SH3BGRL2: variants seen among roughly 807,000 people sequenced by gnomAD.
The protein encoded by SH3BGRL2 is SH3 domain-binding glutamic acid-rich-like protein 2.
In SH3BGRL2, 21 loss-of-function variants were observed where a neutral mutation model predicts 14.8. That is an observed-to-expected ratio of 1.42 (90% CI 1.01 to 2.05). The LOEUF is 2.05. Ranked by LOEUF, SH3BGRL2 falls within the 30% of genes most tolerant of loss-of-function variation. SH3BGRL2 has a pLI of 0.00. For missense variants in SH3BGRL2, 147 were observed against 130.8 expected, an observed-to-expected ratio of 1.12 and a Z score of -0.61; for synonymous variants, 50 against 47.8, an observed-to-expected ratio of 1.05 and a Z score of -0.19.
chr6:79,659,577 C>T (rs1350726161), intron 1 of SH3BGRL2, among the ~76,000 whole-genome samples: 1 of 152,172 alleles, frequency 6.6e-6, no homozygotes, highest in Non-Finnish European at 1.5e-5. Context: ...AGCGTGATGC[C>T]TCCAGTTTTG....
chr6:79,671,808 T>C (rs2746317), intron 1 of SH3BGRL2, among the ~76,000 whole-genome samples: 125,697 of 152,152 alleles, frequency 0.83, 52,044 homozygotes, highest in East Asian at 0.98. Context: ...TGGGTGCTGT[T>C]AGTTCCAGGC....
the SH3BGRL2 span, among the ~76,000 whole-genome samples, chr6:79,548,353 G>A: frequency 2.0e-5 from 3 of 152,036 alleles, no homozygotes; most frequent in Non-Finnish European, 4.4e-5. Context: ...TAAAGTATTT[G>A]TTCCCTTAAA....
At chr6:79,570,703 G>C in the SH3BGRL2 span, among the ~76,000 whole-genome samples, 2 of 152,178 alleles carry the variant, frequency 1.3e-5, no homozygotes, top group Non-Finnish European at 2.9e-5. Context: ...AATGTTCCAA[G>C]GCTAGAGATA....
At chr6:79,566,738 A>G in the SH3BGRL2 span, among the ~76,000 whole-genome samples, 2 of 152,088 alleles carry the variant, frequency 1.3e-5, no homozygotes. Flanking sequence ...CAACATAGTG[A>G]GACCCCATCT....
At chr6:79,605,806 C>T in the SH3BGRL2 span, among the ~76,000 whole-genome samples, 1 of 152,118 alleles carries the variant, frequency 6.6e-6, no homozygotes, top group Non-Finnish European at 1.5e-5. Context: ...ATTATCCCTG[C>T]TGAGTATATC....
intron 2 of SH3BGRL2, among the ~76,000 whole-genome samples, chr6:79,677,951 C>T (rs1769917478): frequency 6.6e-6 from 1 of 152,088 alleles, no homozygotes; most frequent in Non-Finnish European, 1.5e-5. Context: ...GCCTCATGGC[C>T]AAGGTTTTAA....
At chr6:79,563,274 G>C in the SH3BGRL2 span, among the ~76,000 whole-genome samples, 1 of 151,030 alleles carries the variant, frequency 6.6e-6, no homozygotes, top group Non-Finnish European at 1.5e-5. Flanking sequence ...ACCGTGCCCG[G>C]CCTCATTTTT....
chr6:79,579,337 C>T, the SH3BGRL2 span, among the ~76,000 whole-genome samples: 1,193 of 152,144 alleles, frequency 7.8e-3, 10 homozygotes, highest in Non-Finnish European at 0.011. Context: ...AACTCCAAGA[C>T]GCATAATTGT....
intron 1 of SH3BGRL2, among the ~76,000 whole-genome samples, chr6:79,659,342 A>G (rs1246427426): frequency 6.6e-6 from 1 of 152,218 alleles, no homozygotes. Flanking sequence ...ATACAGTTTC[A>G]GCTTTCTACA....
In SH3BGRL2 at chr6:79,699,667, G is replaced by T; in HGVS notation, c.*158G>T. The T allele has an allele frequency of 9.6e-7, 1 of 1,043,258 alleles. No homozygotes were observed. The highest frequency in any genetic ancestry group is 1.3e-6 in the Non-Finnish European group (1 of 764,954). 64.6% of individuals were successfully genotyped at this position (1,043,258 alleles called of 1,614,324 possible). A position where few individuals can be genotyped will look rare whatever the true frequency, so the allele number is the denominator to read the frequency against. ...TGTTTTTGAAAGATGTGGCTATAAT[G>T]AGAATTGCATGATTGCTTTAAACCA... On this transcript the variant is annotated 3_prime_UTR_variant, in exon 4 of 4. Coordinates refer to ENST00000369838, the MANE Select transcript of SH3BGRL2 (RefSeq NM_031469.4).
chr6:79,548,333 C>T, the SH3BGRL2 span, among the ~76,000 whole-genome samples: 124,456 of 152,196 alleles, frequency 0.82, 51,502 homozygotes, highest in East Asian at 0.98. Flanking sequence ...TATTTTTAAA[C>T]TTTAAGATTT....
rs545822984 is a variant in SH3BGRL2 at position 79,682,661 on chromosome 6, G to A, written c.231+8862G>A. ...GTCAGAGAAGACTGCCCATCTGCCC[G>A]GAACATCCACTTGATTTGAAGATTT... On this transcript the variant is annotated intron_variant, in intron 2 of 3. Coordinates refer to ENST00000369838, the MANE Select transcript of SH3BGRL2 (RefSeq NM_031469.4). 3.3e-5 allele frequency among the ~76,000 whole-genome samples: 5 copies of A among 152,292 alleles called. No individual in the cohort carries two copies. In the East Asian group the frequency reaches 9.7e-4, roughly 29 times the overall value.
At chr6:79,563,413 A>G in the SH3BGRL2 span, among the ~76,000 whole-genome samples, 1 of 152,038 alleles carries the variant, frequency 6.6e-6, no homozygotes, top group East Asian at 1.9e-4. Flanking sequence ...CGCCCCGCCT[A>G]GCTTGGTCTA....
chr6:79,651,817 G>C (rs994077995), intron 1 of SH3BGRL2, among the ~76,000 whole-genome samples: 2 of 152,150 alleles, frequency 1.3e-5, no homozygotes, highest in Admixed American at 1.3e-4. Context: ...ATAAATGGGA[G>C]TTTGGTGAAG....
chr6:79,703,160 G>T lies in SH3BGRL2; in HGVS notation c.*3651G>T, dbSNP rs546372660. On this transcript the variant is annotated 3_prime_UTR_variant, in exon 4 of 4. Transcript: ENST00000369838. ...GTTTGTTTGTTCATCCTTTCTGTCA[G>T]CATGGATCAAGCCCCTAAAATGTGG... The T allele has an allele frequency of 6.6e-6, 1 of 152,248 alleles. No homozygotes were observed. The highest frequency in any genetic ancestry group is 6.5e-5 in the Admixed American group (1 of 15,290). 9.4% of individuals were successfully genotyped at this position (152,248 alleles called of 1,614,324 possible).
chr6:79,559,202 G>A, the SH3BGRL2 span, among the ~76,000 whole-genome samples: 8 of 152,102 alleles, frequency 5.3e-5, no homozygotes, highest in Non-Finnish European at 7.4e-5. Flanking sequence ...AATGTCTCAC[G>A]CCTGTAATCC....
chr6:79,653,065 A>G lies in SH3BGRL2; in HGVS notation c.46-20549A>G, dbSNP rs1031212047. Among the ~76,000 whole-genome samples the G allele has an allele frequency of 2.0e-5, 3 of 152,346 alleles. No individual in the cohort carries two copies. In the East Asian group the frequency reaches 5.8e-4, roughly 29 times the overall value. On this transcript the variant is annotated intron_variant, in intron 1 of 3. Coordinates refer to ENST00000369838, the MANE Select transcript of SH3BGRL2 (RefSeq NM_031469.4). ...TTATAACTGAAACAAGGCTATGAAC[A>G]TCACAGATGCATGTCTGAGTAGATA...
chr6:79,585,069 A>G, the SH3BGRL2 span, among the ~76,000 whole-genome samples: 1 of 151,576 alleles, frequency 6.6e-6, no homozygotes, highest in Non-Finnish European at 1.5e-5. Flanking sequence ...AAAAAAATCT[A>G]AACAAAGGAT....
chr6:79,650,392 C>T (rs535126690), intron 1 of SH3BGRL2, among the ~76,000 whole-genome samples: 1 of 152,178 alleles, frequency 6.6e-6, no homozygotes, highest in Non-Finnish European at 1.5e-5. Flanking sequence ...AAGGTGAGTC[C>T]ATAGAATGCA....
Sources: gnomAD v4.1 joint callset for allele counts (sites outside exome capture counted in the v4.1 genomes callset) on GRCh38, gnomAD v4.1.1 for gene constraint, MANE v1.5 for transcripts, NCBI Gene and HGNC (gene_info 2026-07-23, HGNC 2026-07-21) for gene names.